Variants in CNBD1 observed in about 807,000 individuals in gnomAD.
CNBD1 encodes cyclic nucleotide binding domain containing 1.
In CNBD1, 71 loss-of-function variants were observed where a neutral mutation model predicts 54.4. The observed-to-expected ratio is 1.30, with a 90% confidence interval of 1.08 to 1.59. The LOEUF (loss-of-function observed/expected upper bound fraction) is 1.59, where lower values mean the gene tolerates loss of function less well. Among genes scored for constraint, CNBD1 ranks in the 40% most tolerant of loss-of-function variants. The probability of loss-of-function intolerance (pLI) is 0.00; values close to 1 mark genes in which losing one functional copy is unlikely to be tolerated. For synonymous variants in CNBD1, 182 were observed against 170.7 expected (o/e 1.07, Z -0.51); for missense variants, 659 against 518.0 (o/e 1.27, Z -2.64).
chr8:87,320,981 C>T (rs1362909035), intron 8 of CNBD1, among the ~76,000 whole-genome samples: 2 of 152,040 alleles, frequency 1.3e-5, no homozygotes, highest in Non-Finnish European at 2.9e-5. Flanking sequence ...CTGTGACTGG[C>T]TTATTTCACT....
In CNBD1 at chr8:86,871,477, G is replaced by C. The variant is rs547702673; in HGVS notation, c.88+4894G>C. ...TTAACTCTACACTCAAAAGCTGTCA[G>C]GGTCCTACTCTCCTTTAAAACTTAC... On this transcript the variant is annotated intron_variant, in intron 1 of 10. Coordinates refer to ENST00000518476, the MANE Select transcript of CNBD1 (RefSeq NM_173538.3). 2.6e-5 allele frequency among the ~76,000 whole-genome samples: 4 copies of C among 152,334 alleles called. No homozygotes were observed. The East Asian group carries it at 7.7e-4, about 29-fold the overall frequency.
At chr8:87,388,621 C>A (rs960087167) in intron 2 of CNBD1, among the ~76,000 whole-genome samples, 2 of 152,050 alleles carry the variant, frequency 1.3e-5, no homozygotes, top group African/African-American at 4.8e-5. Flanking sequence ...AGCTTACCAA[C>A]CAAAAAAAGT....
In CNBD1 at chr8:87,353,707, T is replaced by C; in HGVS notation, c.1224T>C (p.Leu408=). ...AGTCCTTTGGTGAGATTAGCGTCCTTCTTCAAGTTCCTTTCACGTGCACAA... is the reference window on the plus strand; with the variant it reads ...AGTCCTTTGGTGAGATTAGCGTCCTCCTTCAAGTTCCTTTCACGTGCACAA... ...EKESFGEISV[L]LQVPFTCTII... Residue 408 remains leucine, a synonymous_variant, in exon 10 of 11, where the codon CTT becomes CTC. Coordinates refer to ENST00000518476, the MANE Select transcript of CNBD1 (RefSeq NM_173538.3). The C allele has an allele frequency of 6.2e-7, 1 of 1,611,572 alleles. No individual in the cohort carries two copies. The highest frequency in any genetic ancestry group is 8.5e-7 in the Non-Finnish European group (1 of 1,178,502).
chr8:87,392,648 A>C (rs1236539430), intron 2 of CNBD1, among the ~76,000 whole-genome samples: 1 of 151,966 alleles, frequency 6.6e-6, no homozygotes, highest in Non-Finnish European at 1.5e-5. Context: ...AGGCATGAGG[A>C]AGAGGGTGGA....
At chr8:87,284,358 G>C (rs1029421713) in intron 6 of CNBD1, among the ~76,000 whole-genome samples, 1 of 152,012 alleles carries the variant, frequency 6.6e-6, no homozygotes, top group Non-Finnish European at 1.5e-5. Context: ...ATATATATAA[G>C]TGTACAAAAT....
At chr8:86,986,291 AT>A (rs1463140795) in intron 4 of CNBD1, among the ~76,000 whole-genome samples, 1 of 151,904 alleles carries the variant, frequency 6.6e-6, no homozygotes, top group East Asian at 1.9e-4. Flanking sequence ...TTATATGTTT[AT>A]TGGCCATTTG....
At chr8:87,361,754 C>CA (rs1322342294) in intron 10 of CNBD1, among the ~76,000 whole-genome samples, 2 of 150,208 alleles carry the variant, frequency 1.3e-5, no homozygotes, top group Non-Finnish European at 3.0e-5. Context: ...TGTCATCCCC[C>CA]AAGAAACTAC....
intron 6 of CNBD1, among the ~76,000 whole-genome samples, chr8:87,281,559 TATATATATATATATATATATATA>T (rs1808600684): frequency 2.1e-4 from 2 of 9,352 alleles, no homozygotes; most frequent in Non-Finnish European, 2.9e-4. Context: ...TATATATATA[TATATATATATATATATATATATA>T]TATATATATA....
chr8:87,365,570 A>G (rs1337973444), intron 10 of CNBD1, among the ~76,000 whole-genome samples: 1 of 152,020 alleles, frequency 6.6e-6, no homozygotes, highest in Non-Finnish European at 1.5e-5. Context: ...TTTTATATTT[A>G]TTGATTCAAA....
At chr8:86,974,818 C>G (rs13275001) in intron 4 of CNBD1, among the ~76,000 whole-genome samples, 1 of 151,832 alleles carries the variant, frequency 6.6e-6, no homozygotes, top group African/African-American at 2.4e-5. Flanking sequence ...TGTTTATGTT[C>G]GGTTTCTTTT....
chr8:87,126,489 T>C lies in CNBD1; in HGVS notation c.432-79504T>C, dbSNP rs1397280554. ...GTTCAAATCTTATGTCCATTTGTTTTTTAAACTGTTTTTTAAATTACTGAG... is the reference window on the plus strand; with the variant it reads ...GTTCAAATCTTATGTCCATTTGTTTCTTAAACTGTTTTTTAAATTACTGAG... On this transcript the variant is annotated intron_variant, in intron 4 of 10. Transcript: ENST00000518476. Among the ~76,000 whole-genome samples, 7 of 152,178 alleles carry C rather than the reference T, an allele frequency of 4.6e-5. No individual in the cohort carries two copies. In the East Asian group the frequency reaches 1.3e-3, roughly 29 times the overall value.
chr8:87,242,335 C>G, intron 6 of CNBD1, among the ~76,000 whole-genome samples: 1 of 152,086 alleles, frequency 6.6e-6, no homozygotes, highest in East Asian at 1.9e-4. Flanking sequence ...AATCTGGCAC[C>G]TTTTTAAGTC....
intron 1 of CNBD1, among the ~76,000 whole-genome samples, chr8:86,881,888 A>G (rs1229144934): frequency 6.6e-6 from 1 of 152,184 alleles, no homozygotes; most frequent in Non-Finnish European, 1.5e-5. Flanking sequence ...CTGATCTTCA[A>G]CAAGCCTGAC....
At chr8:86,943,655 A>G (rs1353463637) in intron 4 of CNBD1, among the ~76,000 whole-genome samples, 1 of 152,162 alleles carries the variant, frequency 6.6e-6, no homozygotes, top group African/African-American at 2.4e-5. Flanking sequence ...GGGAGAGAGG[A>G]GACAGAGTGA....
intron 6 of CNBD1, among the ~76,000 whole-genome samples, chr8:87,266,381 G>A (rs1247998576): frequency 8.1e-6 from 1 of 123,716 alleles, no homozygotes; most frequent in Non-Finnish European, 1.6e-5. Flanking sequence ...TGATAGGTAA[G>A]CACACTGATA....
At chr8:87,248,080 G>C (rs1271867893) in intron 6 of CNBD1, among the ~76,000 whole-genome samples, 2 of 152,098 alleles carry the variant, frequency 1.3e-5, no homozygotes, top group East Asian at 3.9e-4. Flanking sequence ...TGGTGTTGTT[G>C]GTTGGCCAAA....
In CNBD1 at chr8:86,951,379, AG is replaced by A. The variant is rs1807616539; in HGVS notation, c.431+11627del. On this transcript the variant is annotated intron_variant, in intron 4 of 10. Transcript: ENST00000518476. ...CGAGGCAGGCAGATCACCTGAGGTT[AG>A]GAGCTTAAGACCAGCCTGGCCCACG... Among the ~76,000 whole-genome samples the A allele has an allele frequency of 2.0e-5, 3 of 151,774 alleles. No homozygotes were observed. The South Asian group carries it at 6.3e-4, about 32-fold the overall frequency.
chr8:87,262,115 C>A (rs1374289978), intron 6 of CNBD1, among the ~76,000 whole-genome samples: 3 of 152,148 alleles, frequency 2.0e-5, no homozygotes, highest in Non-Finnish European at 4.4e-5. Flanking sequence ...GATCATGCCA[C>A]TGCATTCCAG....
intron 2 of CNBD1, among the ~76,000 whole-genome samples, chr8:86,901,744 A>G (rs1329084165): frequency 1.3e-5 from 2 of 152,162 alleles, no homozygotes; most frequent in African/African-American, 4.8e-5. Flanking sequence ...TGGATGGGAA[A>G]AGGACATTGA....
Sources: gnomAD v4.1 joint callset for allele counts (sites outside exome capture counted in the v4.1 genomes callset) on GRCh38, gnomAD v4.1.1 for gene constraint, MANE v1.5 for transcripts, NCBI Gene and HGNC (gene_info 2026-07-23, HGNC 2026-07-21) for gene names.